Variants in TCERG1L observed in about 807,000 individuals in gnomAD.
TCERG1L encodes transcription elongation regulator 1-like protein.
A neutral mutation model predicts 56.3 loss-of-function variants in TCERG1L; 37 were observed. That is an observed-to-expected ratio of 0.66 (90% confidence interval 0.51 to 0.87). The LOEUF (loss-of-function observed/expected upper bound fraction) is 0.87, where lower values mean the gene tolerates loss of function less well. Among genes scored for constraint, TCERG1L ranks in the 40% least tolerant of loss-of-function variants. TCERG1L has a pLI of 0.00. For missense variants in TCERG1L, 799 were observed against 774.2 expected (o/e 1.03, Z -0.38); for synonymous variants, 324 against 326.3 (o/e 0.99, Z 0.08).
intron 4 of TCERG1L, among the ~76,000 whole-genome samples, chr10:131,215,556 G>C (rs1845661956): frequency 6.6e-6 from 1 of 152,152 alleles, no homozygotes; most frequent in South Asian, 2.1e-4. Context: ...GGCTGGAGGA[G>C]CAGACCCCAG....
At chr10:131,286,410 C>T (rs1193597993) in intron 3 of TCERG1L, among the ~76,000 whole-genome samples, 1 of 152,166 alleles carries the variant, frequency 6.6e-6, no homozygotes, top group Admixed American at 6.5e-5. Flanking sequence ...AAGTGACATA[C>T]AAACCTGTGG....
chr10:131,300,985 AT>A (rs1169390747), intron 3 of TCERG1L, among the ~76,000 whole-genome samples: 1 of 152,070 alleles, frequency 6.6e-6, no homozygotes, highest in East Asian at 1.9e-4. Context: ...ATGTATTTTG[AT>A]TAAGACAAAT....
At chr10:131,139,780 C>G (rs1286715601) in intron 7 of TCERG1L, among the ~76,000 whole-genome samples, 1 of 135,712 alleles carries the variant, frequency 7.4e-6, no homozygotes, top group African/African-American at 2.7e-5. Flanking sequence ...ATATGTGTGT[C>G]TGTGTGTGCT....
At chr10:131,167,010 A>C in intron 4 of TCERG1L, 125 bp from the exon 5 acceptor site, 2 of 777,726 alleles carry the variant, frequency 2.6e-6, no homozygotes, top group Non-Finnish European at 2.0e-6. Context: ...TGCATTCCAC[A>C]GAAAGGTGGC....
At chr10:131,217,960 G>A (rs146720192) in intron 4 of TCERG1L, among the ~76,000 whole-genome samples, 8,743 of 151,986 alleles carry the variant, frequency 0.058, 341 homozygotes, top group African/African-American at 0.11. Flanking sequence ...TCCTGACCTC[G>A]TGATCTGCCC....
intron 6 of TCERG1L, among the ~76,000 whole-genome samples, chr10:131,150,608 C>A (rs1199220702): frequency 6.6e-6 from 1 of 152,178 alleles, no homozygotes; most frequent in East Asian, 1.9e-4. Context: ...GAAGAAGAAG[C>A]TGAAAGAGGT....
chr10:131,281,717 G>A (rs1331663416), intron 3 of TCERG1L, among the ~76,000 whole-genome samples: 1 of 149,028 alleles, frequency 6.7e-6, no homozygotes, highest in Non-Finnish European at 1.5e-5. Flanking sequence ...TGGGAATTTC[G>A]TGTTCTTGTT....
intron 4 of TCERG1L, among the ~76,000 whole-genome samples, chr10:131,243,825 T>G (rs550252110): frequency 6.6e-6 from 1 of 152,312 alleles, no homozygotes; most frequent in East Asian, 1.9e-4. Flanking sequence ...CAATTTGAGC[T>G]GGGCTCAAAA....
intron 4 of TCERG1L, among the ~76,000 whole-genome samples, chr10:131,258,306 C>T (rs928985309): frequency 1.3e-4 from 20 of 152,230 alleles, no homozygotes; most frequent in Admixed American, 1.2e-3. Flanking sequence ...ATCCCATCTC[C>T]GTCAAGTCTT....
Position 131,118,034 on chromosome 10 carries a change from C to T in TCERG1L, c.1260-1100G>A, listed in dbSNP as rs77461991. ...CTCCAGGACGGGCAGACTCAACCCG[C>T]GCTGGGTTGGCGCACCCTCACTCTG... On this transcript the variant is annotated intron_variant, in intron 8 of 11. Coordinates refer to ENST00000368642, the MANE Select transcript of TCERG1L (RefSeq NM_174937.4). The surrounding 1 kb of genome is among the most constrained non-coding windows in gnomAD (Gnocchi z 4.2). Among the ~76,000 whole-genome samples, 282 of 152,254 alleles carry T rather than the reference C, an allele frequency of 1.9e-3. 2 individuals carry two copies. Among genetic ancestry groups the T allele is most frequent in the African/African-American group, 6.5e-3 (272 of 41,574 alleles).
At chr10:131,257,275 G>A (rs1424804820) in intron 4 of TCERG1L, among the ~76,000 whole-genome samples, 1 of 152,058 alleles carries the variant, frequency 6.6e-6, no homozygotes, top group South Asian at 2.1e-4. Context: ...AGAGGCCAAC[G>A]GACACAAAGG....
chr10:131,174,336 G>T (rs1846124031), intron 4 of TCERG1L, among the ~76,000 whole-genome samples: 1 of 152,210 alleles, frequency 6.6e-6, no homozygotes. Flanking sequence ...ACCCCACAGT[G>T]GGGCCGTTTC....
chr10:131,241,304 T>C (rs934606762), intron 4 of TCERG1L, among the ~76,000 whole-genome samples: 1 of 151,896 alleles, frequency 6.6e-6, no homozygotes, highest in Non-Finnish European at 1.5e-5. Context: ...TACCAGAATG[T>C]AGGAAAAAGT....
At chr10:131,121,217 T>G (rs1845509043) in intron 8 of TCERG1L, among the ~76,000 whole-genome samples, 1 of 152,060 alleles carries the variant, frequency 6.6e-6, no homozygotes, top group African/African-American at 2.4e-5. Flanking sequence ...CCATGTGATG[T>G]GGGGAAAGTG....
rs1422733885 is a variant in TCERG1L at position 131,285,539 on chromosome 10, AAAG to A, written c.670+22669_670+22671del. On this transcript the variant is annotated intron_variant, in intron 3 of 11. Coordinates refer to ENST00000368642, the MANE Select transcript of TCERG1L (RefSeq NM_174937.4). ...AAGAAAGAAAGAGAGAAAGAAAAGA[AAAG>A]AAAGAAAGGAAGGAAGAAAGAAAAA... Among the ~76,000 whole-genome samples, 8 of 17,738 alleles carry A rather than the reference AAAG, an allele frequency of 4.5e-4. 1 individual carries two copies. The highest frequency in any genetic ancestry group is 1.9e-3 in the East Asian group (2 of 1,038). The allele number at this position is 17,738 out of a possible 152,430, so 11.6% of individuals were successfully genotyped here. A position where few individuals can be genotyped will look rare whatever the true frequency, so the allele number is the denominator to read the frequency against.
At chr10:131,133,748 A>C (rs1360751411) in intron 8 of TCERG1L, among the ~76,000 whole-genome samples, 10 of 152,206 alleles carry the variant, frequency 6.6e-5, no homozygotes, top group African/African-American at 2.4e-4. Flanking sequence ...GGCAGGAGCC[A>C]ACCCCCAACT....
At chr10:131,253,211 G>A (rs1271415936) in intron 4 of TCERG1L, among the ~76,000 whole-genome samples, 3 of 152,172 alleles carry the variant, frequency 2.0e-5, no homozygotes, top group East Asian at 1.9e-4. Context: ...TTTGAGCACC[G>A]TGTCTCTATA....
intron 4 of TCERG1L, among the ~76,000 whole-genome samples, chr10:131,195,563 G>A (rs544226056): frequency 3.3e-5 from 5 of 152,272 alleles, no homozygotes; most frequent in African/African-American, 1.2e-4. Context: ...AGCTTTCTAT[G>A]AGAGGGGTCC....
intron 4 of TCERG1L, among the ~76,000 whole-genome samples, chr10:131,258,217 C>T (rs1466673769): frequency 1.3e-5 from 2 of 152,226 alleles, no homozygotes; most frequent in African/African-American, 2.4e-5. Context: ...GCAGAGACAA[C>T]GCCTTGCTCC....
Sources: allele counts gnomAD v4.1 joint callset (sites outside exome capture counted in the v4.1 genomes callset), GRCh38; gene constraint gnomAD v4.1.1; non-coding constraint Gnocchi (gnomAD v3.1); transcripts MANE v1.5; gene names NCBI Gene and HGNC (gene_info 2026-07-23, HGNC 2026-07-21).